The following TENM2 variants were observed in gnomAD, a reference collection of about 807,000 sequenced individuals.
The protein encoded by TENM2 is teneurin transmembrane protein 2.
A neutral mutation model predicts 245.2 loss-of-function variants in TENM2; 52 were observed. The observed-to-expected ratio is 0.21, with a 90% confidence interval of 0.17 to 0.27. TENM2 has a LOEUF of 0.27. Among genes scored for constraint, TENM2 ranks in the 10% least tolerant of loss-of-function variants. TENM2 has a pLI of 1.00. For missense variants in TENM2, 3,046 were observed against 3,666.8 expected (o/e 0.83, Z 4.37); for synonymous variants, 1,363 against 1,438.9 (o/e 0.95, Z 1.19).
At chr5:168,132,603 T>A (rs1754691673) in intron 12 of TENM2, among the ~76,000 whole-genome samples, 2 of 152,182 alleles carry the variant, frequency 1.3e-5, no homozygotes, top group African/African-American at 4.8e-5. Context: ...AATAGCTTGA[T>A]ATAAGGTATT....
At chr5:167,689,715 G>A (rs890258250) in intron 2 of TENM2, among the ~76,000 whole-genome samples, 6 of 152,182 alleles carry the variant, frequency 3.9e-5, no homozygotes, top group Non-Finnish European at 5.9e-5. Flanking sequence ...TGAAGGGAAA[G>A]GGGAGAGTCC....
At chr5:167,508,735 A>C (rs1769723637) in intron 2 of TENM2, among the ~76,000 whole-genome samples, 1 of 152,210 alleles carries the variant, frequency 6.6e-6, no homozygotes, top group Admixed American at 6.5e-5. Flanking sequence ...TCTGTTTTAC[A>C]GAATAGTGGT....
At chr5:168,149,196 T>A (rs1320971253) in intron 12 of TENM2, among the ~76,000 whole-genome samples, 1 of 152,186 alleles carries the variant, frequency 6.6e-6, no homozygotes, top group East Asian at 1.9e-4. Context: ...ACCTTGCAGA[T>A]AGAGCTGCTG....
intron 3 of TENM2, among the ~76,000 whole-genome samples, chr5:167,940,519 G>A (rs556971229): frequency 6.6e-6 from 1 of 152,304 alleles, no homozygotes; most frequent in East Asian, 1.9e-4. Flanking sequence ...TGACATTTGA[G>A]CTGAGACCTG....
intron 2 of TENM2, among the ~76,000 whole-genome samples, chr5:167,551,582 A>C (rs958323100): frequency 1.3e-5 from 2 of 152,200 alleles, no homozygotes; most frequent in Non-Finnish European, 2.9e-5. Flanking sequence ...CAATCTCTCT[A>C]TATGGATATA....
the TENM2 span, among the ~76,000 whole-genome samples, chr5:167,238,694 C>CAAAAAAAAAAAAAA: frequency 6.9e-5 from 4 of 58,110 alleles, no homozygotes; most frequent in African/African-American, 1.5e-4. Flanking sequence ...ACAGGAGATG[C>CAAAAAAAAAAAAAA]AAAAAAAAAA....
At chr5:167,077,413 T>C in the TENM2 span, among the ~76,000 whole-genome samples, 112 of 152,236 alleles carry the variant, frequency 7.4e-4, 1 homozygote, top group Non-Finnish European at 1.1e-3. Context: ...GAGGTCCCAA[T>C]AGGTTACATA....
chr5:167,417,441 C>T (rs185968481), intron 2 of TENM2, among the ~76,000 whole-genome samples: 1 of 152,276 alleles, frequency 6.6e-6, no homozygotes, highest in East Asian at 1.9e-4. Flanking sequence ...TTTATTATAG[C>T]CCCTCATATT....
At chr5:167,787,745 C>T (rs1764683012) in intron 2 of TENM2, among the ~76,000 whole-genome samples, 2 of 152,138 alleles carry the variant, frequency 1.3e-5, no homozygotes, top group Admixed American at 1.3e-4. Flanking sequence ...AGGTGTTCAC[C>T]TGTGCAGGTG....
the TENM2 span, among the ~76,000 whole-genome samples, chr5:167,088,025 T>A: frequency 6.6e-6 from 1 of 152,110 alleles, no homozygotes; most frequent in Non-Finnish European, 1.5e-5. Flanking sequence ...CTTGACTTCT[T>A]GATCCACCTG....
At chr5:167,459,525 TACCA>T (rs1766148813) in intron 2 of TENM2, among the ~76,000 whole-genome samples, 1 of 152,208 alleles carries the variant, frequency 6.6e-6, no homozygotes, top group Admixed American at 6.5e-5. Flanking sequence ...CAAATGGGAT[TACCA>T]GACCATATGT....
the TENM2 span, among the ~76,000 whole-genome samples, chr5:167,043,304 T>G: frequency 6.6e-6 from 1 of 152,180 alleles, no homozygotes; most frequent in African/African-American, 2.4e-5. Context: ...TGTATAAAGA[T>G]AAAATTATGG....
At chr5:167,410,125 A>G (rs1004060789) in intron 2 of TENM2, among the ~76,000 whole-genome samples, 1 of 151,994 alleles carries the variant, frequency 6.6e-6, no homozygotes, top group Non-Finnish European at 1.5e-5. Flanking sequence ...TGTGGCCAGC[A>G]TGAAATTTTT....
chr5:167,006,283 GA>G, the TENM2 span, among the ~76,000 whole-genome samples: 9 of 152,156 alleles, frequency 5.9e-5, no homozygotes, highest in Non-Finnish European at 1.2e-4. Context: ...TTCAACAGTA[GA>G]AGAGAATGTA....
the TENM2 span, among the ~76,000 whole-genome samples, chr5:167,016,516 T>C: frequency 1.3e-5 from 2 of 152,188 alleles, no homozygotes; most frequent in African/African-American, 4.8e-5. Flanking sequence ...GCAAGCAAGT[T>C]TTTCTCCTGT....
intron 2 of TENM2, among the ~76,000 whole-genome samples, chr5:167,445,334 T>TAGGGAGAGAGAG (rs1380778783): frequency 3.5e-5 from 3 of 86,326 alleles, no homozygotes; most frequent in Middle Eastern, 7.0e-3. Context: ...TATATATATA[T>TAGGGAGAGAGAG]ATAGAGAGAG....
chr5:167,242,175 G>C, the TENM2 span, among the ~76,000 whole-genome samples: 1 of 151,364 alleles, frequency 6.6e-6, no homozygotes, highest in East Asian at 1.9e-4. Flanking sequence ...TCAGCCTCCT[G>C]AGTAGCTAGA....
intron 2 of TENM2, among the ~76,000 whole-genome samples, chr5:167,598,221 A>T (rs990536133): frequency 2.6e-5 from 4 of 152,230 alleles, no homozygotes; most frequent in Non-Finnish European, 5.9e-5. Flanking sequence ...TGGTTACAAC[A>T]TTCTCTTATT....
At chr5:167,645,214 A>G (rs1363049728) in intron 2 of TENM2, among the ~76,000 whole-genome samples, 2 of 152,338 alleles carry the variant, frequency 1.3e-5, no homozygotes, top group South Asian at 4.1e-4. Flanking sequence ...AATCTAAAGG[A>G]TGAGAAGTAC....
Sources: gnomAD v4.1 joint callset for allele counts (sites outside exome capture counted in the v4.1 genomes callset) on GRCh38, gnomAD v4.1.1 for gene constraint, MANE v1.5 for transcripts, NCBI Gene and HGNC (gene_info 2026-07-23, HGNC 2026-07-21) for gene names.